Variants in PIK3C2A observed in about 807,000 individuals in gnomAD.
PIK3C2A encodes phosphatidylinositol-4-phosphate 3-kinase catalytic subunit type 2 alpha.
Under a neutral mutation model 204.5 loss-of-function variants are expected in PIK3C2A, and 97 were observed. That is an observed-to-expected ratio of 0.47 (90% confidence interval 0.40 to 0.56). PIK3C2A has a LOEUF of 0.56. Among genes scored for constraint, PIK3C2A ranks in the 20% least tolerant of loss-of-function variants. PIK3C2A has a pLI of 0.00. For missense variants in PIK3C2A, 1,735 were observed against 1,969.2 expected, an observed-to-expected ratio of 0.88 and a Z score of 2.25; for synonymous variants, 653 against 664.4, an observed-to-expected ratio of 0.98 and a Z score of 0.26.
At chr11:17,171,394 C>T (rs185184339) in intron 1 of PIK3C2A, among the ~76,000 whole-genome samples, 95 of 152,106 alleles carry the variant, frequency 6.2e-4, no homozygotes, top group Non-Finnish European at 1.2e-3. Context: ...TGCTTGTCTA[C>T]CGTATATGCT....
intron 2 of PIK3C2A, among the ~76,000 whole-genome samples, chr11:17,161,329 A>C (rs1306807962): frequency 1.3e-5 from 2 of 152,224 alleles, no homozygotes; most frequent in African/African-American, 4.8e-5. Context: ...ATACTCAGTC[A>C]GACTATGAAA....
chr11:17,093,077 A>G lies in PIK3C2A; in HGVS notation c.4452-801T>C, dbSNP rs115943546. On this transcript the variant is annotated intron_variant, in intron 28 of 32. Coordinates refer to ENST00000691414, the MANE Select transcript of PIK3C2A (RefSeq NM_002645.4). Reference sequence around the variant, plus strand: ...TTATTTTGGTGGCAGTGGAAAAATGAAACTGTACACGGAAACAAACTCTAA... The same window carrying G: ...TTATTTTGGTGGCAGTGGAAAAATGGAACTGTACACGGAAACAAACTCTAA... Among the ~76,000 whole-genome samples, 606 of 152,312 alleles carry G rather than the reference A, an allele frequency of 4.0e-3. 4 individuals carry two copies. Among genetic ancestry groups the G allele is most frequent in the African/African-American group, 0.014 (589 of 41,574 alleles).
intron 9 of PIK3C2A, 109 bp from the exon 10 acceptor site, chr11:17,135,268 C>A: frequency 3.1e-6 from 3 of 973,678 alleles, no homozygotes; most frequent in South Asian, 1.5e-5. Flanking sequence ...TCCCAAGTAT[C>A]TACAGAATTA....
At chr11:17,106,526 G>A (rs532512940) in intron 22 of PIK3C2A, among the ~76,000 whole-genome samples, 9 of 152,322 alleles carry the variant, frequency 5.9e-5, no homozygotes, top group African/African-American at 2.2e-4. Flanking sequence ...TCTCTAGTCT[G>A]TACATCCATG....
At chr11:17,153,517 GA>G (rs1850486219) in intron 3 of PIK3C2A, among the ~76,000 whole-genome samples, 1 of 151,568 alleles carries the variant, frequency 6.6e-6, no homozygotes, top group South Asian at 2.1e-4. Context: ...GGTGTAAAAG[GA>G]AAGAAATAGG....
chr11:17,132,028 ATT>A lies in PIK3C2A; in HGVS notation c.2117_2118del (p.Lys706IlefsTer16). The A allele has an allele frequency of 6.6e-7, 1 of 1,514,770 alleles. No individual in the cohort carries two copies. The highest frequency in any genetic ancestry group is 1.2e-5 in the South Asian group (1 of 83,276). The allele number at this position is 1,514,770 out of a possible 1,614,324, so 93.8% of individuals were successfully genotyped here. A position where few individuals can be genotyped will look rare whatever the true frequency, so the allele number is the denominator to read the frequency against. On this transcript the variant is annotated frameshift_variant, in exon 12 of 33. Transcript: ENST00000691414. LOFTEE classifies it high-confidence loss of function. ...ISSNWVSNYE[K>X]YYLICSLSHN... ...TGAGACAGTGAACATATCAAGTAGT[ATT>A]TTTCATAACTGAGAAAAGAAAGTTT...
chr11:17,092,354 T>G (rs953385013), intron 28 of PIK3C2A, 78 bp from the exon 29 acceptor site: 13 of 755,728 alleles, frequency 1.7e-5, no homozygotes, highest in Admixed American at 8.3e-5. Context: ...TCATATATAC[T>G]TAAAGACAAA....
Position 17,119,758 on chromosome 11 carries a change from C to T in PIK3C2A, c.2846+28G>A, listed in dbSNP as rs1555020476. The T allele has an allele frequency of 7.1e-6, 10 of 1,413,320 alleles. No individual in the cohort carries two copies. In the South Asian group the frequency reaches 1.4e-4, roughly 20 times the overall value. 87.5% of individuals were successfully genotyped at this position (1,413,320 alleles called of 1,614,324 possible). On this transcript the variant is annotated intron_variant, in intron 16 of 32. Coordinates refer to ENST00000691414, the MANE Select transcript of PIK3C2A (RefSeq NM_002645.4). ...CTTACTGGAAAAACTGACAATAAAA[C>T]AAGAGCAAATAAATGTATTTGACTT...
At chr11:17,103,167 C>T (rs182562465) in intron 23 of PIK3C2A, among the ~76,000 whole-genome samples, 11 of 148,332 alleles carry the variant, frequency 7.4e-5, no homozygotes, top group Admixed American at 7.4e-4. Flanking sequence ...TGCTTAGAAT[C>T]GGTGAGGTGC....
At chr11:17,105,032 T>A (rs1848763510) in intron 23 of PIK3C2A, 137 bp downstream of exon 23, 1 of 653,334 alleles carries the variant, frequency 1.5e-6, no homozygotes, top group African/African-American at 1.8e-5. Flanking sequence ...TTCTTTCCTA[T>A]ACTTAGAAAA....
intron 1 of PIK3C2A, among the ~76,000 whole-genome samples, chr11:17,175,950 C>A (rs941733636): frequency 4.0e-5 from 6 of 151,152 alleles, no homozygotes; most frequent in Middle Eastern, 3.4e-3. Context: ...TTTGTCCCCC[C>A]AAATGAATAT....
At chr11:17,129,234 A>G (rs548418551) in intron 13 of PIK3C2A, 66 bp downstream of exon 13, 3 of 1,307,066 alleles carry the variant, frequency 2.3e-6, no homozygotes, top group Non-Finnish European at 3.3e-6. Flanking sequence ...CCTCCTTGTC[A>G]TCTAGCCAAT....
At chr11:17,165,891 C>CA (rs1850932704) in intron 2 of PIK3C2A, among the ~76,000 whole-genome samples, 1 of 151,438 alleles carries the variant, frequency 6.6e-6, no homozygotes, top group African/African-American at 2.4e-5. Context: ...CCTTGACCTC[C>CA]AACTTGTTAT....
chr11:17,146,279 T>C (rs926265801), intron 6 of PIK3C2A, among the ~76,000 whole-genome samples: 3 of 152,196 alleles, frequency 2.0e-5, no homozygotes, highest in Admixed American at 2.0e-4. Context: ...GCCAAATGCA[T>C]ATGGGGTAGA....
At position 17,170,694 on chromosome 11, in the gene PIK3C2A, C is replaced by T. The variant is rs547858785; in HGVS notation, c.-65-888G>A. 1.8e-4 allele frequency among the ~76,000 whole-genome samples: 27 copies of T among 152,312 alleles called. No homozygotes were observed. In the South Asian group the frequency reaches 3.9e-3, roughly 22 times the overall value. ...ACCAAGATTACCCTGTGAAGCAATA[C>T]GACCAACTGAAAGGTTGCTTAGCTA... On this transcript the variant is annotated intron_variant, in intron 1 of 32. Transcript: ENST00000691414.
intron 2 of PIK3C2A, among the ~76,000 whole-genome samples, chr11:17,157,275 C>T (rs1850626232): frequency 6.6e-6 from 1 of 152,032 alleles, no homozygotes; most frequent in South Asian, 2.1e-4. Flanking sequence ...GCCTGGCCAA[C>T]ATGGTGAAAC....
intron 1 of PIK3C2A, among the ~76,000 whole-genome samples, chr11:17,170,586 A>T (rs1392863029): frequency 6.6e-6 from 1 of 152,240 alleles, no homozygotes; most frequent in Non-Finnish European, 1.5e-5. Flanking sequence ...TCACGAAAAG[A>T]TGAGAAGATA....
At chr11:17,191,121 T>A (rs1424145456) in intron 1 of PIK3C2A, among the ~76,000 whole-genome samples, 2 of 152,234 alleles carry the variant, frequency 1.3e-5, no homozygotes, top group African/African-American at 4.8e-5. Flanking sequence ...CCATCTATTG[T>A]CTACAGAGTC....
At position 17,089,648 on chromosome 11, in the gene PIK3C2A, C is replaced by T. The variant is rs933127369; in HGVS notation, c.*90G>A. 7 of 716,582 alleles carry T rather than the reference C, an allele frequency of 9.8e-6. No homozygotes were observed. The highest frequency in any genetic ancestry group is 1.6e-5 in the Non-Finnish European group (7 of 439,308). 44.4% of individuals were successfully genotyped at this position (716,582 alleles called of 1,614,324 possible). A position where few individuals can be genotyped will look rare whatever the true frequency, so the allele number is the denominator to read the frequency against. On this transcript the variant is annotated 3_prime_UTR_variant, in exon 33 of 33. Transcript: ENST00000691414. ...GTATAAAAATACTATACAAAATTAA[C>T]AAGTGTGTGTGTGTGTGTCTGTGTG...
Sources: gnomAD v4.1 joint callset for allele counts (sites outside exome capture counted in the v4.1 genomes callset) on GRCh38, gnomAD v4.1.1 for gene constraint, MANE v1.5 for transcripts, NCBI Gene and HGNC (gene_info 2026-07-23, HGNC 2026-07-21) for gene names.